The following SLC8B1 variants were observed in gnomAD, a reference collection of about 807,000 sequenced individuals.
SLC8B1 encodes the protein mitochondrial sodium/calcium exchanger protein.
In SLC8B1, 52 loss-of-function variants were observed where a neutral mutation model predicts 63.4. That is an observed-to-expected ratio of 0.82 (90% CI 0.66 to 1.03). The LOEUF (loss-of-function observed/expected upper bound fraction) is 1.03. Among genes scored for constraint, SLC8B1 ranks in the 50% least tolerant of loss-of-function variants. The probability of loss-of-function intolerance (pLI) is 0.00; values close to 1 mark genes in which losing one functional copy is unlikely to be tolerated. For missense variants in SLC8B1, 657 were observed against 741.7 expected (o/e 0.89, Z 1.33); for synonymous variants, 336 against 323.9 (o/e 1.04, Z -0.40).
chr12:113,332,168 C>T (rs770328327), intron 2 of SLC8B1, among the ~76,000 whole-genome samples: 52 of 152,196 alleles, frequency 3.4e-4, no homozygotes, highest in Non-Finnish European at 6.6e-4. Flanking sequence ...TCTGTGACCA[C>T]CCAATCTGAA....
In SLC8B1 at chr12:113,305,794, C is replaced by A. The variant is rs150495936; in HGVS notation, c.1492+701G>T. ...TTATTCTTTGGGCCAGGTGTGGTGG[C>A]TCACGCCTGTAATCCCAGCACTTGG... On this transcript the variant is annotated intron_variant, in intron 14 of 15. Coordinates refer to ENST00000680972, the MANE Select transcript of SLC8B1 (RefSeq NM_001358345.2). The surrounding 1 kb of genome is among the most constrained non-coding windows in gnomAD (Gnocchi z 4.3). Among the ~76,000 whole-genome samples the A allele has an allele frequency of 6.6e-6, 1 of 152,282 alleles. No individual in the cohort carries two copies. The highest frequency in any genetic ancestry group is 1.5e-5 in the Non-Finnish European group (1 of 68,028).
chr12:113,325,971 G>C (rs1193070966), intron 2 of SLC8B1, among the ~76,000 whole-genome samples: 1 of 152,136 alleles, frequency 6.6e-6, no homozygotes, highest in Admixed American at 6.6e-5. Flanking sequence ...ATTTTGTGTA[G>C]CCTTTCCAAC....
Position 113,319,056 on chromosome 12 carries a change from T to C in SLC8B1, c.710A>G (p.Tyr237Cys), listed in dbSNP as rs773388985. Residue 237 changes from tyrosine (Y) to cysteine (C), a missense_variant, in exon 8 of 16, where the codon TAT becomes TGT. Transcript: ENST00000680972. Reference protein sequence around the residue: ...LAWALGYLGLYVFYVVTVILC... With the variant: ...LAWALGYLGLCVFYVVTVILC... Reference sequence around the variant, plus strand: ...AATCACAGTGACCACATAGAACACATACAAGCCCAGGTAACCTGCAGACGG... The same window carrying C: ...AATCACAGTGACCACATAGAACACACACAAGCCCAGGTAACCTGCAGACGG... 7 of 1,613,912 alleles carry C rather than the reference T, an allele frequency of 4.3e-6. No homozygotes were observed. The Admixed American group carries it at 1.0e-4, about 23-fold the overall frequency.
In SLC8B1 at chr12:113,299,715, T is replaced by A; in HGVS notation, c.*62A>T. ...GCAGAAATGCTCCGGTCCCTGGGCC[T>A]CCCCCGGCAGGAGGGGCGGGGCTCC... On this transcript the variant is annotated 3_prime_UTR_variant, in exon 16 of 16. Transcript: ENST00000680972. 6.5e-7 allele frequency: 1 copy of A among 1,545,816 alleles called. No individual in the cohort carries two copies. The highest frequency in any genetic ancestry group is 8.9e-7 in the Non-Finnish European group (1 of 1,120,182).
intron 15 of SLC8B1, among the ~76,000 whole-genome samples, chr12:113,303,514 AC>A (rs1283212930): frequency 6.6e-6 from 1 of 152,150 alleles, no homozygotes; most frequent in Non-Finnish European, 1.5e-5. Context: ...TCCCCAGCCT[AC>A]GTCTTCCTTG....
intron 2 of SLC8B1, among the ~76,000 whole-genome samples, chr12:113,325,543 T>C (rs1593258399): frequency 1.3e-5 from 2 of 152,010 alleles, no homozygotes; most frequent in East Asian, 3.9e-4. Context: ...ATTATAGGCG[T>C]GAACCACCAA....
intron 11 of SLC8B1, among the ~76,000 whole-genome samples, chr12:113,312,353 G>C (rs1307734002): frequency 2.0e-5 from 3 of 152,198 alleles, no homozygotes; most frequent in African/African-American, 7.2e-5. Flanking sequence ...AGAATCATTT[G>C]AACCTGGGAG....
At chr12:113,318,853 G>A (rs1045011745) in intron 8 of SLC8B1, 111 bp downstream of exon 8, 1 of 757,836 alleles carries the variant, frequency 1.3e-6, no homozygotes, top group Non-Finnish European at 2.2e-6. Flanking sequence ...AGCATGAAGA[G>A]GAGATGAGCT....
chr12:113,328,381 C>T (rs1755879174), intron 2 of SLC8B1, among the ~76,000 whole-genome samples: 1 of 152,162 alleles, frequency 6.6e-6, no homozygotes, highest in South Asian at 2.1e-4. Context: ...CTTCCATCTC[C>T]ACCAGCACGG....
chr12:113,333,979 G>A (rs1317206186), intron 1 of SLC8B1, among the ~76,000 whole-genome samples: 1 of 152,224 alleles, frequency 6.6e-6, no homozygotes, highest in African/African-American at 2.4e-5. Flanking sequence ...AAAGTGCTGG[G>A]ACTACAGGCG....
chr12:113,306,831 C>T (rs1956682115), intron 13 of SLC8B1: 3 of 539,888 alleles, frequency 5.6e-6, no homozygotes, highest in Non-Finnish European at 9.9e-6. Context: ...CGGCTACCAG[C>T]TGGGCACAGT....
chr12:113,300,037 G>T, intron 15 of SLC8B1, 63 bp from the exon 16 acceptor site: 1 of 1,484,756 alleles, frequency 6.7e-7, no homozygotes, highest in African/African-American at 1.4e-5. Context: ...CCCCGTCTGT[G>T]GCCAACACAA....
At chr12:113,316,437 C>A (rs900821261) in intron 10 of SLC8B1, 89 bp downstream of exon 10, 3 of 1,505,770 alleles carry the variant, frequency 2.0e-6, no homozygotes, top group African/African-American at 1.4e-5. Context: ...GGACCCCAGG[C>A]CCTCCCCCTC....
rs547618445 is a variant in SLC8B1, at chr12:113,334,870, G to C, written c.-510C>G. 3.3e-5 allele frequency: 5 copies of C among 152,388 alleles called. No individual in the cohort carries two copies. In the East Asian group the frequency reaches 9.6e-4, roughly 29 times the overall value. The allele number at this position is 152,388 out of a possible 1,614,324, so 9.4% of individuals were successfully genotyped here. On this transcript the variant is annotated 5_prime_UTR_variant, in exon 1 of 16. Coordinates refer to ENST00000680972, the MANE Select transcript of SLC8B1 (RefSeq NM_001358345.2). ...GACAGGGGCGGGAAATCGGGGCTGCGCTTCCCAGGAAAGAGACCTCAGGAA... is the reference window on the plus strand; with the variant it reads ...GACAGGGGCGGGAAATCGGGGCTGCCCTTCCCAGGAAAGAGACCTCAGGAA...
chr12:113,300,102 T>C, intron 15 of SLC8B1, 128 bp from the exon 16 acceptor site: 1 of 698,288 alleles, frequency 1.4e-6, no homozygotes, highest in East Asian at 4.3e-5. Flanking sequence ...TCAGCAACAA[T>C]GCAGCCTCAG....
At position 113,332,871 on chromosome 12, in the gene SLC8B1, C is replaced by A; in HGVS notation, c.8G>T (p.Gly3Val). Residue 3 changes from glycine (G) to valine (V), a missense_variant, in exon 2 of 16, where the codon GGC becomes GTC. Transcript: ENST00000680972. The stretch of plus-strand genomic sequence containing the variant: ...TGCCCAGCGCAGATTCAGCCTTCTG[C>A]CGGCCATCTGCCCCCACGGGGCCTG... MAGRRLNLRWALS... is the reference protein window; with the variant it reads MAVRRLNLRWALS... 6.2e-7 allele frequency: 1 copy of A among 1,613,930 alleles called. No individual in the cohort carries two copies. The highest frequency in any genetic ancestry group is 1.1e-5 in the South Asian group (1 of 91,082).
At chr12:113,304,272 A>G (rs768246932) in intron 15 of SLC8B1, 49 bp downstream of exon 15, 1 of 1,573,372 alleles carries the variant, frequency 6.4e-7, no homozygotes, top group Non-Finnish European at 8.7e-7. Context: ...CTTCCCCATC[A>G]AGCTACATCT....
intron 2 of SLC8B1, among the ~76,000 whole-genome samples, chr12:113,329,710 A>G (rs1957035380): frequency 6.6e-6 from 1 of 152,168 alleles, no homozygotes; most frequent in South Asian, 2.1e-4. Context: ...CAGTCCCAGG[A>G]AACCCAAAGA....
At chr12:113,304,425 A>C (rs1261797422) in intron 14 of SLC8B1, 40 bp from the exon 15 acceptor site, 1 of 1,577,570 alleles carries the variant, frequency 6.3e-7, no homozygotes, top group Non-Finnish European at 8.7e-7. Context: ...AATGGCCTGC[A>C]CATAACCCAA....
Sources: allele counts gnomAD v4.1 joint callset (sites outside exome capture counted in the v4.1 genomes callset), GRCh38; gene constraint gnomAD v4.1.1; non-coding constraint Gnocchi (gnomAD v3.1); transcripts MANE v1.5; gene names NCBI Gene and HGNC (gene_info 2026-07-23, HGNC 2026-07-21).